LGR5: variants seen among roughly 807,000 people sequenced by gnomAD.
The protein encoded by LGR5 is leucine rich repeat containing G protein-coupled receptor 5, also known as leucine-rich repeat-containing G protein-coupled receptor 5.
A neutral mutation model predicts 76.7 loss-of-function variants in LGR5; 54 were observed. The ratio of observed to expected loss-of-function variants is 0.70; its 90% CI spans 0.57 to 0.88. The LOEUF (loss-of-function observed/expected upper bound fraction) is 0.88. Among genes scored for constraint, LGR5 ranks in the 40% least tolerant of loss-of-function variants. LGR5 has a pLI of 0.00. For synonymous variants in LGR5, 406 were observed against 421.9 expected (o/e 0.96, Z 0.46); for missense variants, 1,078 against 1,073.3 (o/e 1.00, Z -0.06).
chr12:71,486,890 T>C (rs1300661819), intron 1 of LGR5, among the ~76,000 whole-genome samples: 1 of 152,102 alleles, frequency 6.6e-6, no homozygotes, highest in Admixed American at 6.5e-5. Context: ...TATGCTCAGG[T>C]TTGGAAGACC....
chr12:71,558,458 C>A (rs1464914238), intron 6 of LGR5, among the ~76,000 whole-genome samples: 2 of 152,126 alleles, frequency 1.3e-5, no homozygotes, highest in African/African-American at 4.8e-5. Flanking sequence ...TTATTCCCAG[C>A]CTCTTCCTTT....
At chr12:71,546,116 C>T (rs556362812) in intron 4 of LGR5, among the ~76,000 whole-genome samples, 1 of 151,996 alleles carries the variant, frequency 6.6e-6, no homozygotes, top group South Asian at 2.1e-4. Context: ...AGTTCAAGAC[C>T]AGCCTGGCAA....
At chr12:71,575,861 G>A (rs1592562045) in intron 13 of LGR5, among the ~76,000 whole-genome samples, 1 of 151,952 alleles carries the variant, frequency 6.6e-6, no homozygotes, top group East Asian at 1.9e-4. Context: ...ATGATAGACT[G>A]GATAAAGAAA....
rs750993587 is a variant in LGR5 at position 71,535,143 on chromosome 12, G to C, written c.385G>C (p.Val129Leu). 1.9e-6 allele frequency: 3 copies of C among 1,611,404 alleles called. No homozygotes were observed. The highest frequency in any genetic ancestry group is 1.1e-5 in the South Asian group (1 of 91,006). ...LMLQNNQLRHVPTEALQNLRS... is the reference protein window; with the variant it reads ...LMLQNNQLRHLPTEALQNLRS... ...GCTGCAGAATAATCAGCTAAGACAC[G>C]TACCCACAGAAGCTCTGCAGAATTT... Residue 129 changes from valine to leucine, a missense_variant, in exon 4 of 18, where the codon GTA becomes CTA. Val to Leu is a conservative substitution (Grantham distance 32). Transcript: ENST00000266674.
At chr12:71,552,331 G>A (rs754033369) in intron 4 of LGR5, among the ~76,000 whole-genome samples, 9 of 152,142 alleles carry the variant, frequency 5.9e-5, no homozygotes, top group African/African-American at 2.2e-4. Context: ...TTGGGAGGCC[G>A]AGGTGGGCAG....
At chr12:71,491,222 A>T (rs1874056782) in intron 1 of LGR5, among the ~76,000 whole-genome samples, 1 of 152,152 alleles carries the variant, frequency 6.6e-6, no homozygotes, top group African/African-American at 2.4e-5. Flanking sequence ...GTATTTCTTC[A>T]TAGCAGTGTG....
intron 2 of LGR5, among the ~76,000 whole-genome samples, chr12:71,523,220 A>G (rs924252108): frequency 6.6e-6 from 1 of 152,180 alleles, no homozygotes; most frequent in Non-Finnish European, 1.5e-5. Context: ...CAGTCAGTGG[A>G]TCTCTGTGAC....
intron 1 of LGR5, among the ~76,000 whole-genome samples, chr12:71,496,110 G>A (rs1470450773): frequency 3.9e-5 from 6 of 152,234 alleles, no homozygotes; most frequent in South Asian, 2.1e-4. Flanking sequence ...GGTGGCTCAC[G>A]CCTGTAATCC....
intron 1 of LGR5, among the ~76,000 whole-genome samples, chr12:71,481,141 C>T (rs977308022): frequency 1.4e-4 from 22 of 152,074 alleles, no homozygotes; most frequent in South Asian, 2.1e-4. Context: ...GTGCAGGTTA[C>T]GTAGGTATAC....
chr12:71,491,725 G>A (rs1354036390), intron 1 of LGR5, among the ~76,000 whole-genome samples: 1 of 149,506 alleles, frequency 6.7e-6, no homozygotes, highest in Admixed American at 6.8e-5. Flanking sequence ...TCCAAATAAA[G>A]GCAAACAAGT....
At chr12:71,493,784 T>A (rs531759602) in intron 1 of LGR5, among the ~76,000 whole-genome samples, 2 of 149,216 alleles carry the variant, frequency 1.3e-5, no homozygotes, top group East Asian at 3.9e-4. Flanking sequence ...TTTTTTTTTT[T>A]TCGAGACAGG....
At position 71,447,340 on chromosome 12, in the gene LGR5, A is replaced by G. The variant is rs138563582; in HGVS notation, c.212+7048A>G. On this transcript the variant is annotated intron_variant, in intron 1 of 17. Coordinates refer to ENST00000266674, the MANE Select transcript of LGR5 (RefSeq NM_003667.4). ...AAACCTTTTCTGAACTATGCATTTAATTTCCTCAGTCCCTTGATTCAGCTT... is the reference window on the plus strand; with the variant it reads ...AAACCTTTTCTGAACTATGCATTTAGTTTCCTCAGTCCCTTGATTCAGCTT... 1.6e-3 allele frequency among the ~76,000 whole-genome samples: 247 copies of G among 152,342 alleles called. 3 individuals are homozygous for G. The highest frequency in any genetic ancestry group is 5.6e-3 in the African/African-American group (233 of 41,590).
At chr12:71,452,634 C>T (rs1278418354) in intron 1 of LGR5, among the ~76,000 whole-genome samples, 3 of 152,220 alleles carry the variant, frequency 2.0e-5, no homozygotes, top group Non-Finnish European at 4.4e-5. Context: ...GCTGTTGATG[C>T]TTTTACACGT....
At chr12:71,534,424 A>C (rs563425281) in intron 3 of LGR5, among the ~76,000 whole-genome samples, 1 of 152,340 alleles carries the variant, frequency 6.6e-6, no homozygotes, top group African/African-American at 2.4e-5. Context: ...AAAGCCATGC[A>C]GAGAAGGGAG....
chr12:71,554,245 G>A (rs971490286), intron 5 of LGR5, among the ~76,000 whole-genome samples: 4 of 152,174 alleles, frequency 2.6e-5, no homozygotes, highest in African/African-American at 7.2e-5. Context: ...GATTTGTTGG[G>A]TCAGGGATGA....
intron 1 of LGR5, among the ~76,000 whole-genome samples, chr12:71,484,621 G>A (rs1455122010): frequency 6.6e-6 from 1 of 151,722 alleles, no homozygotes; most frequent in Non-Finnish European, 1.5e-5. Context: ...TGTTCACAAA[G>A]GGTTTGGTTT....
chr12:71,473,377 A>G (rs892466975), intron 1 of LGR5, among the ~76,000 whole-genome samples: 2 of 152,228 alleles, frequency 1.3e-5, no homozygotes, highest in African/African-American at 4.8e-5. Flanking sequence ...GAATGGCAGG[A>G]CTTTAAATGA....
chr12:71,474,818 T>A (rs1252124568), intron 1 of LGR5, among the ~76,000 whole-genome samples: 1 of 152,214 alleles, frequency 6.6e-6, no homozygotes, highest in Non-Finnish European at 1.5e-5. Context: ...AAAAGTGAAT[T>A]ATGTAATTCT....
Position 71,440,169 on chromosome 12 carries a change from T to C in LGR5, c.89T>C (p.Leu30Ser), listed in dbSNP as rs781268462. The change falls in exon 1 of 18, where the codon TTG becomes TCG. Residue 30 changes from leucine (L) to serine (S), a missense_variant. Transcript: ENST00000266674. This position sits in a 1 kb window ranked among gnomAD's most constrained non-coding sequence, Gnocchi z 5.3. Reference protein sequence around the residue: ...TGGSSPRSGVLLRGCPTHCHC... With the variant: ...TGGSSPRSGVSLRGCPTHCHC... ...GGCAGCTCTCCCAGGTCTGGTGTGT[T>C]GCTGAGGGGCTGCCCCACACACTGT... 2 of 1,611,632 alleles carry C rather than the reference T, an allele frequency of 1.2e-6. No individual in the cohort carries two copies. Among genetic ancestry groups the C allele is most frequent in the Non-Finnish European group, 1.7e-6 (2 of 1,179,660 alleles).
Sources: gnomAD v4.1 joint callset for allele counts (sites outside exome capture counted in the v4.1 genomes callset) on GRCh38, gnomAD v4.1.1 for gene constraint, Gnocchi (gnomAD v3.1) non-coding constraint, MANE v1.5 for transcripts, NCBI Gene and HGNC (gene_info 2026-07-23, HGNC 2026-07-21) for gene names.